CNTN1: variants seen among roughly 807,000 people sequenced by gnomAD.
CNTN1 encodes the protein contactin-1.
CNTN1 carries 38 observed loss-of-function variants against 126.4 expected under a neutral mutation model. That is an observed-to-expected ratio of 0.30 (90% CI 0.23 to 0.39). The LOEUF (loss-of-function observed/expected upper bound fraction) is 0.39, where lower values mean the gene tolerates loss of function less well. Ranked by LOEUF, CNTN1 falls within the 10% of genes least tolerant of loss-of-function variation. CNTN1 has a pLI of 1.00. For missense variants in CNTN1, 1,009 were observed against 1,248.4 expected (o/e 0.81, Z 2.89); for synonymous variants, 413 against 422.6 (o/e 0.98, Z 0.28).
At chr12:41,012,686 C>T (rs1450652301) in intron 17 of CNTN1, among the ~76,000 whole-genome samples, 1 of 152,278 alleles carries the variant, frequency 6.6e-6, no homozygotes, top group Non-Finnish European at 1.5e-5. Context: ...AAGCCTGTCC[C>T]CCAAGTCTTA....
At chr12:41,021,389 C>T (rs1301718270) in intron 20 of CNTN1, among the ~76,000 whole-genome samples, 1 of 151,906 alleles carries the variant, frequency 6.6e-6, no homozygotes, top group African/African-American at 2.4e-5. Flanking sequence ...TCAGCACCCT[C>T]CCTTATCCCT....
chr12:40,812,895 A>G (rs577690642), intron 1 of CNTN1, among the ~76,000 whole-genome samples: 2 of 147,470 alleles, frequency 1.4e-5, no homozygotes, highest in East Asian at 3.9e-4. Context: ...ATCCATTTGC[A>G]TTCAAGGTAA....
intron 1 of CNTN1, among the ~76,000 whole-genome samples, chr12:40,700,670 C>A (rs1941572535): frequency 6.6e-6 from 1 of 151,796 alleles, no homozygotes; most frequent in African/African-American, 2.4e-5. Flanking sequence ...TAGGAAATAG[C>A]ACAAGTGATG....
chr12:40,957,317 G>T (rs78449771), intron 14 of CNTN1, among the ~76,000 whole-genome samples: 6,687 of 151,952 alleles, frequency 0.044, 222 homozygotes, highest in African/African-American at 0.094. Context: ...AGGAGTGGCT[G>T]CCAACAAGAT....
chr12:40,858,245 A>G (rs1452744405), intron 1 of CNTN1, among the ~76,000 whole-genome samples: 1 of 152,174 alleles, frequency 6.6e-6, no homozygotes, highest in Non-Finnish European at 1.5e-5. Flanking sequence ...GGCCAGCAGG[A>G]GACCCCTTTC....
intron 3 of CNTN1, among the ~76,000 whole-genome samples, chr12:40,914,927 C>A (rs1473535000): frequency 6.6e-6 from 1 of 152,094 alleles, no homozygotes; most frequent in East Asian, 1.9e-4. Context: ...CCTATATACA[C>A]ACTCAGTATA....
At chr12:40,951,822 T>C (rs947357352) in intron 14 of CNTN1, among the ~76,000 whole-genome samples, 2 of 151,374 alleles carry the variant, frequency 1.3e-5, no homozygotes, top group Non-Finnish European at 2.9e-5. Context: ...TCTTTAGAAA[T>C]TGCTGATGAG....
chr12:41,002,122 A>C (rs1385411222), intron 17 of CNTN1, among the ~76,000 whole-genome samples: 1 of 147,748 alleles, frequency 6.8e-6, no homozygotes, highest in Non-Finnish European at 1.5e-5. Context: ...ATTTTATTTT[A>C]TTTTTTTGGT....
At chr12:40,988,585 G>A (rs2120461658) in intron 16 of CNTN1, among the ~76,000 whole-genome samples, 1 of 152,194 alleles carries the variant, frequency 6.6e-6, no homozygotes, top group Admixed American at 6.5e-5. Flanking sequence ...TACCCATGAG[G>A]CTTGATTCTC....
chr12:40,712,143 A>G (rs944251190), intron 1 of CNTN1, among the ~76,000 whole-genome samples: 4 of 152,188 alleles, frequency 2.6e-5, no homozygotes, highest in African/African-American at 9.6e-5. Flanking sequence ...TCACTAAAAT[A>G]TCCTTATTTC....
intron 1 of CNTN1, among the ~76,000 whole-genome samples, chr12:40,707,951 A>T (rs1183248798): frequency 6.6e-6 from 1 of 152,238 alleles, no homozygotes; most frequent in Non-Finnish European, 1.5e-5. Context: ...CATAACTGTT[A>T]TCAAAAATTG....
At chr12:40,989,241 G>A (rs1406289047) in intron 16 of CNTN1, among the ~76,000 whole-genome samples, 1 of 152,138 alleles carries the variant, frequency 6.6e-6, no homozygotes, top group South Asian at 2.1e-4. Flanking sequence ...TCCTACCAGG[G>A]CTTAAGGAAT....
intron 1 of CNTN1, among the ~76,000 whole-genome samples, chr12:40,843,817 G>A (rs1942382344): frequency 6.6e-6 from 1 of 152,030 alleles, no homozygotes; most frequent in African/African-American, 2.4e-5. Context: ...ATAGTACATC[G>A]TTTCTTTGGA....
intron 1 of CNTN1, among the ~76,000 whole-genome samples, chr12:40,827,438 A>T (rs558423792): frequency 3.1e-4 from 47 of 152,234 alleles, no homozygotes; most frequent in Non-Finnish European, 5.4e-4. Context: ...AAATCTCCAT[A>T]TTTTATAGCC....
At chr12:40,771,915 CAT>C (rs1939350502) in intron 1 of CNTN1, among the ~76,000 whole-genome samples, 1 of 151,950 alleles carries the variant, frequency 6.6e-6, no homozygotes, top group South Asian at 2.1e-4. Context: ...GAAATACACA[CAT>C]AGCAATTTGG....
At chr12:41,018,588 T>A (rs280358) in intron 19 of CNTN1, among the ~76,000 whole-genome samples, 27,534 of 151,108 alleles carry the variant, frequency 0.18, 3,876 homozygotes, top group African/African-American at 0.4. Context: ...TCATATATGT[T>A]AAAGTATATA....
chr12:41,043,191 A>T (rs1949458464), intron 23 of CNTN1, among the ~76,000 whole-genome samples: 2 of 152,292 alleles, frequency 1.3e-5, no homozygotes, highest in South Asian at 4.1e-4. Flanking sequence ...AGCAAAAGAA[A>T]CTACCATCAG....
chr12:40,734,819 C>A (rs960698111), intron 1 of CNTN1, among the ~76,000 whole-genome samples: 2 of 151,908 alleles, frequency 1.3e-5, no homozygotes, highest in Non-Finnish European at 2.9e-5. Flanking sequence ...AATGGAGAAC[C>A]AACATCTGGG....
intron 23 of CNTN1, among the ~76,000 whole-genome samples, chr12:41,034,575 ATGCTGTCTC>A (rs1949215360): frequency 6.6e-6 from 1 of 152,202 alleles, no homozygotes; most frequent in South Asian, 2.1e-4. Context: ...CATTCAGGAA[ATGCTGTCTC>A]TTCAACCATC....
Sources: gnomAD v4.1 joint callset for allele counts (sites outside exome capture counted in the v4.1 genomes callset) on GRCh38, gnomAD v4.1.1 for gene constraint, MANE v1.5 for transcripts, NCBI Gene and HGNC (gene_info 2026-07-23, HGNC 2026-07-21) for gene names.